The following LRMDA variants were observed in gnomAD, a reference collection of about 807,000 sequenced individuals.
LRMDA encodes the protein leucine rich melanocyte differentiation associated.
A neutral mutation model predicts 29.8 loss-of-function variants in LRMDA; 18 were observed. The ratio of observed to expected loss-of-function variants is 0.60; its 90% CI spans 0.42 to 0.90. The LOEUF is 0.90. Ranked by LOEUF, LRMDA falls within the 40% of genes least tolerant of loss-of-function variation. The pLI is 0.00. For missense variants in LRMDA, 273 were observed against 273.9 expected, an observed-to-expected ratio of 1.00 and a Z score of 0.02; for synonymous variants, 125 against 109.4, an observed-to-expected ratio of 1.14 and a Z score of -0.89.
chr10:76,444,314 G>A (rs1199024584), intron 6 of LRMDA, among the ~76,000 whole-genome samples: 1 of 152,142 alleles, frequency 6.6e-6, no homozygotes, highest in East Asian at 1.9e-4. Flanking sequence ...AGTACACAGT[G>A]CTTGCTCAGA....
At chr10:75,914,863 C>A (rs1845903363) in intron 2 of LRMDA, among the ~76,000 whole-genome samples, 1 of 152,114 alleles carries the variant, frequency 6.6e-6, no homozygotes. Context: ...GGCAACATGA[C>A]CTCTTGTGTT....
intron 5 of LRMDA, among the ~76,000 whole-genome samples, chr10:76,316,109 C>G (rs141759358): frequency 5.1e-4 from 78 of 152,298 alleles, no homozygotes; most frequent in African/African-American, 1.8e-3. Flanking sequence ...GGCTGAAACA[C>G]GCCTCTCCGC....
At chr10:76,294,497 A>C (rs1033173026) in intron 5 of LRMDA, among the ~76,000 whole-genome samples, 1 of 152,180 alleles carries the variant, frequency 6.6e-6, no homozygotes, top group Non-Finnish European at 1.5e-5. Flanking sequence ...TTTTAACTTC[A>C]GACTTGAATT....
chr10:76,095,239 T>C (rs902942188), intron 5 of LRMDA, among the ~76,000 whole-genome samples: 1 of 152,208 alleles, frequency 6.6e-6, no homozygotes, highest in Non-Finnish European at 1.5e-5. Context: ...CATACCATAG[T>C]TTGGACTCTG....
chr10:76,304,926 G>T (rs1390849900), intron 5 of LRMDA, among the ~76,000 whole-genome samples: 2 of 152,190 alleles, frequency 1.3e-5, no homozygotes, highest in Non-Finnish European at 2.9e-5. Flanking sequence ...GGCTGAGAAG[G>T]CAGGGGCTGG....
At chr10:76,390,541 G>A (rs1437911079) in intron 6 of LRMDA, among the ~76,000 whole-genome samples, 1 of 152,010 alleles carries the variant, frequency 6.6e-6, no homozygotes, top group East Asian at 1.9e-4. Flanking sequence ...ATGTTAAGTG[G>A]ATGATGGCAC....
intron 2 of LRMDA, among the ~76,000 whole-genome samples, chr10:75,565,674 T>C (rs934769176): frequency 6.6e-6 from 1 of 152,170 alleles, no homozygotes; most frequent in Non-Finnish European, 1.5e-5. Flanking sequence ...AGCCAATAAA[T>C]AAAGTCATGG....
intron 5 of LRMDA, among the ~76,000 whole-genome samples, chr10:76,284,368 CA>C (rs1430072618): frequency 2.0e-5 from 3 of 152,000 alleles, no homozygotes; most frequent in African/African-American, 7.2e-5. Flanking sequence ...AAAATGGAGC[CA>C]GGGGTGCAAG....
intron 2 of LRMDA, among the ~76,000 whole-genome samples, chr10:75,475,945 C>A (rs1006134566): frequency 6.6e-6 from 1 of 152,056 alleles, no homozygotes; most frequent in African/African-American, 2.4e-5. Context: ...TTAAGTGGTC[C>A]AAGACCACAA....
intron 5 of LRMDA, among the ~76,000 whole-genome samples, chr10:76,276,075 C>A (rs1014779778): frequency 4.7e-5 from 7 of 149,802 alleles, no homozygotes; most frequent in Non-Finnish European, 1.0e-4. Context: ...CTCTTTCTTT[C>A]TCTCTCTTTC....
At chr10:75,689,671 A>G (rs544850688) in intron 2 of LRMDA, among the ~76,000 whole-genome samples, 1 of 152,326 alleles carries the variant, frequency 6.6e-6, no homozygotes, top group East Asian at 1.9e-4. Context: ...AACTCACACC[A>G]ATAGCTGGGG....
chr10:76,419,933 C>T (rs1842055799), intron 6 of LRMDA, among the ~76,000 whole-genome samples: 1 of 152,034 alleles, frequency 6.6e-6, no homozygotes, highest in Non-Finnish European at 1.5e-5. Flanking sequence ...ATACACATTG[C>T]CACATATATG....
intron 6 of LRMDA, among the ~76,000 whole-genome samples, chr10:76,510,390 T>G (rs368596161): frequency 2.2e-4 from 33 of 149,894 alleles, no homozygotes; most frequent in East Asian, 1.6e-3. Context: ...TTTTACAAGT[T>G]TGAGACATAA....
intron 2 of LRMDA, chr10:75,783,126 C>A (rs980798823): frequency 2.2e-6 from 3 of 1,341,962 alleles, no homozygotes; most frequent in South Asian, 2.4e-5. Flanking sequence ...ACTTGATGAG[C>A]GAGATGATTG....
intron 6 of LRMDA, among the ~76,000 whole-genome samples, chr10:76,327,931 C>T (rs192804335): frequency 9.2e-5 from 14 of 152,160 alleles, no homozygotes; most frequent in Admixed American, 3.3e-4. Context: ...CAAGCATTGG[C>T]GGTTTGACGG....
At chr10:76,243,468 A>C (rs774427144) in intron 5 of LRMDA, among the ~76,000 whole-genome samples, 17 of 152,182 alleles carry the variant, frequency 1.1e-4, no homozygotes, top group Non-Finnish European at 2.2e-4. Context: ...TTACTCTTGC[A>C]AAAGGAGGGC....
At chr10:76,052,047 A>G (rs934094928) in intron 4 of LRMDA, among the ~76,000 whole-genome samples, 2 of 152,232 alleles carry the variant, frequency 1.3e-5, no homozygotes, top group East Asian at 1.9e-4. Context: ...GTGAGGAAGC[A>G]TGATGTTTTG....
At chr10:75,651,981 A>G (rs1841605725) in intron 2 of LRMDA, among the ~76,000 whole-genome samples, 1 of 152,212 alleles carries the variant, frequency 6.6e-6, no homozygotes, top group Admixed American at 6.5e-5. Context: ...TATCAACATG[A>G]CATTTTAAAA....
chr10:76,544,942 G>A (rs1183191643), intron 6 of LRMDA, among the ~76,000 whole-genome samples: 1 of 152,030 alleles, frequency 6.6e-6, no homozygotes, highest in African/African-American at 2.4e-5. Flanking sequence ...GATTCCCTTT[G>A]TTTTCTTTTC....
Sources: allele counts gnomAD v4.1 joint callset (sites outside exome capture counted in the v4.1 genomes callset), GRCh38; gene constraint gnomAD v4.1.1; transcripts MANE v1.5; gene names NCBI Gene and HGNC (gene_info 2026-07-23, HGNC 2026-07-21).